Variants in NCKAP5 observed in about 807,000 individuals in gnomAD.
The protein encoded by NCKAP5 is nck-associated protein 5.
Under a neutral mutation model 167.0 loss-of-function variants are expected in NCKAP5, and 92 were observed. That is an observed-to-expected ratio of 0.55 (90% CI 0.47 to 0.66). The LOEUF (loss-of-function observed/expected upper bound fraction) is 0.66, where lower values mean the gene tolerates loss of function less well. NCKAP5 is among the 30% of genes least tolerant of loss of function. The probability of loss-of-function intolerance (pLI) is 0.00; values close to 1 mark genes in which losing one functional copy is unlikely to be tolerated. For synonymous variants in NCKAP5, 891 were observed against 877.4 expected, an observed-to-expected ratio of 1.02 and a Z score of -0.27; for missense variants, 2,378 against 2,315.0, an observed-to-expected ratio of 1.03 and a Z score of -0.56.
chr2:133,666,323 G>C, the NCKAP5 span, among the ~76,000 whole-genome samples: 1 of 150,964 alleles, frequency 6.6e-6, no homozygotes. Context: ...TCAGCCTCTC[G>C]AGTATCTGGG....
chr2:132,722,026 G>A (rs1466412996), intron 19 of NCKAP5, among the ~76,000 whole-genome samples: 1 of 152,202 alleles, frequency 6.6e-6, no homozygotes, highest in African/African-American at 2.4e-5. Context: ...AAATATTCAG[G>A]CTGGGACTCA....
chr2:133,674,601 T>C, the NCKAP5 span, among the ~76,000 whole-genome samples: 3 of 152,014 alleles, frequency 2.0e-5, no homozygotes, highest in African/African-American at 7.3e-5. Context: ...ACTTAACACA[T>C]TGGGTGCTTT....
chr2:133,655,856 C>A, the NCKAP5 span, among the ~76,000 whole-genome samples: 1 of 152,112 alleles, frequency 6.6e-6, no homozygotes, highest in African/African-American at 2.4e-5. Context: ...GGTACACGAG[C>A]CAAAAGAGCT....
At chr2:133,107,406 C>T (rs1310540160) in intron 6 of NCKAP5, among the ~76,000 whole-genome samples, 2 of 152,128 alleles carry the variant, frequency 1.3e-5, no homozygotes, top group Non-Finnish European at 2.9e-5. Flanking sequence ...CATTTTAATT[C>T]GAGCTCAAAA....
intron 11 of NCKAP5, among the ~76,000 whole-genome samples, chr2:132,805,387 A>G: frequency 6.6e-6 from 1 of 152,342 alleles, no homozygotes; most frequent in African/African-American, 2.4e-5. Flanking sequence ...TAGACAACTT[A>G]TTAAAATAAC....
chr2:133,408,550 G>C (rs1288359905), intron 3 of NCKAP5, among the ~76,000 whole-genome samples: 2 of 152,112 alleles, frequency 1.3e-5, no homozygotes, highest in Non-Finnish European at 2.9e-5. Context: ...ACTGCAGTTG[G>C]CATCATGCTG....
At chr2:133,667,761 G>A in the NCKAP5 span, among the ~76,000 whole-genome samples, 9 of 151,898 alleles carry the variant, frequency 5.9e-5, no homozygotes, top group Admixed American at 5.9e-4. Flanking sequence ...TCCTTCAATA[G>A]CATTTTTAAT....
At chr2:132,952,785 A>G (rs1003463427) in intron 8 of NCKAP5, among the ~76,000 whole-genome samples, 17 of 152,320 alleles carry the variant, frequency 1.1e-4, no homozygotes, top group South Asian at 2.1e-4. Context: ...TCTACACTCC[A>G]AAGGCGTTTC....
Position 133,279,643 on chromosome 2 carries a change from C to T in NCKAP5, c.143+23394G>A, listed in dbSNP as rs566751945. 6.2e-4 allele frequency among the ~76,000 whole-genome samples: 94 copies of T among 152,280 alleles called. No homozygotes were observed. The Middle Eastern group carries it at 0.01, about 17-fold the overall frequency. On this transcript the variant is annotated intron_variant, in intron 4 of 19. Transcript: ENST00000409261. ...CTCTATGACAATGGCCCAGGGCCAA[C>T]TGAATTCAGCACAGCAACTTAGAAT...
intron 11 of NCKAP5, among the ~76,000 whole-genome samples, chr2:132,859,492 G>A (rs1028112306): frequency 1.3e-5 from 2 of 152,092 alleles, no homozygotes; most frequent in African/African-American, 2.4e-5. Flanking sequence ...TTTGATGACT[G>A]GAAATGTGGC....
At chr2:133,038,793 A>G (rs1166289045) in intron 6 of NCKAP5, among the ~76,000 whole-genome samples, 1 of 152,094 alleles carries the variant, frequency 6.6e-6, no homozygotes, top group African/African-American at 2.4e-5. Flanking sequence ...AATAAATAAA[A>G]TCAAAGGTTA....
intron 4 of NCKAP5, among the ~76,000 whole-genome samples, chr2:133,246,521 G>A (rs1054512373): frequency 2.6e-5 from 4 of 152,144 alleles, no homozygotes; most frequent in African/African-American, 9.7e-5. Context: ...TGATGCTGCC[G>A]CCAATTGCTG....
At chr2:133,650,538 C>T in the NCKAP5 span, among the ~76,000 whole-genome samples, 1 of 152,042 alleles carries the variant, frequency 6.6e-6, no homozygotes, top group Non-Finnish European at 1.5e-5. Context: ...AACAGAACAG[C>T]CAGAAATAAA....
intron 19 of NCKAP5, among the ~76,000 whole-genome samples, chr2:132,707,031 C>T (rs758687790): frequency 3.3e-5 from 5 of 152,174 alleles, no homozygotes; most frequent in Non-Finnish European, 7.4e-5. Context: ...ATAATCCACA[C>T]AAAAAGACAT....
At chr2:133,071,874 C>T (rs1230551532) in intron 6 of NCKAP5, among the ~76,000 whole-genome samples, 1 of 152,142 alleles carries the variant, frequency 6.6e-6, no homozygotes, top group African/African-American at 2.4e-5. Context: ...TAGGAGCCAA[C>T]CTACCTGTTT....
intron 2 of NCKAP5, among the ~76,000 whole-genome samples, chr2:133,532,962 G>A (rs891891032): frequency 1.3e-5 from 2 of 152,172 alleles, no homozygotes; most frequent in Non-Finnish European, 2.9e-5. Flanking sequence ...GAGGGAGGTG[G>A]AGCACAATTC....
chr2:133,530,209 A>G (rs1446166872), intron 2 of NCKAP5, among the ~76,000 whole-genome samples: 2 of 152,108 alleles, frequency 1.3e-5, no homozygotes, highest in Non-Finnish European at 1.5e-5. Flanking sequence ...AATGCCCCCA[A>G]TCATAACAAA....
At chr2:133,399,876 A>G (rs1043618874) in intron 3 of NCKAP5, among the ~76,000 whole-genome samples, 1 of 152,122 alleles carries the variant, frequency 6.6e-6, no homozygotes, top group Non-Finnish European at 1.5e-5. Context: ...TACACATAAA[A>G]TCATGCCAAT....
At chr2:133,613,308 A>T in the NCKAP5 span, among the ~76,000 whole-genome samples, 18 of 152,216 alleles carry the variant, frequency 1.2e-4, no homozygotes, top group Non-Finnish European at 1.2e-4. Context: ...ACTTTATAAC[A>T]GAAAACAATT....
Sources: gnomAD v4.1 joint callset for allele counts (sites outside exome capture counted in the v4.1 genomes callset) on GRCh38, gnomAD v4.1.1 for gene constraint, MANE v1.5 for transcripts, NCBI Gene and HGNC (gene_info 2026-07-23, HGNC 2026-07-21) for gene names.